The following DUS3L variants were observed in gnomAD, a reference collection of about 807,000 sequenced individuals.
DUS3L encodes tRNA-dihydrouridine(47) synthase [NAD(P)(+)]-like.
Under a neutral mutation model 74.6 loss-of-function variants are expected in DUS3L, and 62 were observed. The observed-to-expected ratio is 0.83, with a 90% CI of 0.68 to 1.03. The LOEUF (loss-of-function observed/expected upper bound fraction) is 1.03, where lower values mean the gene tolerates loss of function less well. Ranked by LOEUF, DUS3L falls within the 50% of genes least tolerant of loss-of-function variation. The pLI, the probability that DUS3L is intolerant of heterozygous loss-of-function variation, is 0.00. For missense variants in DUS3L, 884 were observed against 924.4 expected (o/e 0.96, Z 0.57); for synonymous variants, 433 against 395.7 (o/e 1.09, Z -1.12).
At position 5,787,177 on chromosome 19, in the gene DUS3L, G is replaced by A; in HGVS notation, c.1279-6C>T. ...GTCAGCGGCACATCCAGCACCTACA[G>A]GACGGTGGTGGGAGGTGGTGGGAGA... On this transcript the variant is annotated splice_region_variant and splice_polypyrimidine_tract_variant and intron_variant, in intron 7 of 12. Coordinates refer to ENST00000309061, the MANE Select transcript of DUS3L (RefSeq NM_020175.3). The A allele has an allele frequency of 1.5e-6, 1 of 662,684 alleles. No homozygotes were observed. The highest frequency in any genetic ancestry group is 2.0e-6 in the Non-Finnish European group (1 of 495,024). The allele number at this position is 662,684 out of a possible 1,614,324, so 41.1% of individuals were successfully genotyped here.
chr19:5,786,602 G>C (rs553241153), intron 9 of DUS3L, 60 bp from the exon 10 acceptor site: 1 of 1,592,362 alleles, frequency 6.3e-7, no homozygotes, highest in African/African-American at 1.3e-5. Flanking sequence ...CTGGAGTTCT[G>C]CTCACCAGCC....
chr19:5,787,161 A>C lies in DUS3L; in HGVS notation c.1289T>G (p.Val430Gly). Residue 430 changes from valine (V) to glycine (G), a missense_variant, in exon 8 of 13, where the codon GTG becomes GGG. Physicochemically the swap from Val to Gly is moderately radical, Grantham distance 109. Transcript: ENST00000309061. ...TGTGCGGATCTTCACAGTCAGCGGC[A>C]CATCCAGCACCTACAGGACGGTGGT... is the stretch of plus-strand genomic sequence containing the variant. ...IVRGMNQVLD[V>G]PLTVKIRTGV... 1.2e-6 allele frequency: 1 copy of C among 835,316 alleles called. No individual in the cohort carries two copies. Among genetic ancestry groups the C allele is most frequent in the Non-Finnish European group, 1.4e-6 (1 of 734,878 alleles). The allele number at this position is 835,316 out of a possible 1,614,324, so 51.7% of individuals were successfully genotyped here. A position where few individuals can be genotyped will look rare whatever the true frequency, so the allele number is the denominator to read the frequency against.
chr19:5,788,398 G>T lies in DUS3L; in HGVS notation c.901C>A (p.Leu301Met), dbSNP rs1268352702. 6.2e-7 allele frequency: 1 copy of T among 1,612,960 alleles called. No individual in the cohort carries two copies. The highest frequency in any genetic ancestry group is 8.5e-7 in the Non-Finnish European group (1 of 1,179,788). Residue 301 changes from leucine (L) to methionine (M), a missense_variant and splice_region_variant, in exon 4 of 13, where the codon CTG becomes ATG. Leu to Met is a conservative substitution (Grantham distance 15). Transcript: ENST00000309061. ...AGGTAAAGTTTGCCACGGATGTCCA[G>T]CTGGAGGGAAAAAAATACACACAAG... is the stretch of plus-strand genomic sequence containing the variant. ...VRLRPCEKKR[L>M]DIRGKLYLAP...
intron 9 of DUS3L, 77 bp from the exon 10 acceptor site, chr19:5,786,619 G>C: frequency 1.3e-6 from 2 of 1,583,502 alleles, no homozygotes; most frequent in Admixed American, 1.7e-5. Context: ...AGCCCTTCAG[G>C]AGTTTTGGCT....
rs1335689862 is a variant in DUS3L, at chr19:5,786,501, TG to T, written c.1527del (p.Met510CysfsTer9). 9.9e-6 allele frequency: 16 copies of T among 1,612,964 alleles called. No individual in the cohort carries two copies. The highest frequency in any genetic ancestry group is 2.7e-5 in the African/African-American group (2 of 74,906). On this transcript the variant is annotated frameshift_variant, in exon 10 of 13. Transcript: ENST00000309061. LOFTEE classifies it high-confidence loss of function. ...DILSFEDANR[A>X]MQTGVTGIMI... is the part of the protein sequence containing the mutation. ...ATGATCCCGGTGACACCAGTCTGCA[TG>T]GCGCGGTTGGCATCCTCAAATGACA...
At chr19:5,788,478 C>G in intron 3 of DUS3L, 80 bp from the exon 4 acceptor site, 1 of 1,514,634 alleles carries the variant, frequency 6.6e-7, no homozygotes, top group Non-Finnish European at 9.0e-7. Flanking sequence ...CTTCTACCCA[C>G]AGTCTAGGAC....
Position 5,791,085 on chromosome 19 carries a change from T to A in DUS3L, c.57A>T (p.Gly19=), listed in dbSNP as rs754333877. 3.1e-6 allele frequency: 5 copies of A among 1,608,458 alleles called. No individual in the cohort carries two copies. Among genetic ancestry groups the A allele is most frequent in the South Asian group, 1.1e-5 (1 of 89,824 alleles). The change falls in exon 1 of 13, where the codon GGA becomes GGT. Residue 19 remains glycine, a synonymous_variant. Transcript: ENST00000309061. ...CCACTCCTCGTTCCAAAGCTCCGGC[T>A]CCCGAGTCGCCACCACCACCATTCT... ...PLENGGGGDS[G]AGALERGVAP...
intron 3 of DUS3L, 89 bp downstream of exon 3, chr19:5,789,118 A>C: frequency 6.8e-7 from 1 of 1,479,020 alleles, no homozygotes; most frequent in Non-Finnish European, 9.0e-7. Flanking sequence ...ACTCCCAGGC[A>C]GCTAGAACAG....
At position 5,786,731 on chromosome 19, in the gene DUS3L, G is replaced by T. The variant is rs755854050; in HGVS notation, c.1486+18C>A. On this transcript the variant is annotated intron_variant, in intron 9 of 12. Coordinates refer to ENST00000309061, the MANE Select transcript of DUS3L (RefSeq NM_020175.3). ...AAGGGTGGTAGGGGAGAGGGAGGTG[G>T]CTTCCCGGAACACCCACCGAACAGG... 1 of 1,608,470 alleles carries T rather than the reference G, an allele frequency of 6.2e-7. No individual in the cohort carries two copies. Among genetic ancestry groups the T allele is most frequent in the Non-Finnish European group, 8.5e-7 (1 of 1,178,160 alleles).
Position 5,790,817 on chromosome 19 carries a change from A to T in DUS3L, c.98+227T>A. ...CAGCGCGGGCCTGGCCTCAAATCCC[A>T]CCTGCCCTAGCATGCACGTGGTGTC... On this transcript the variant is annotated intron_variant, in intron 1 of 12. Transcript: ENST00000309061. 12 of 597,090 alleles carry T rather than the reference A, an allele frequency of 2.0e-5. No homozygotes were observed. The South Asian group carries it at 2.2e-4, about 11-fold the overall frequency. 37.0% of individuals were successfully genotyped at this position (597,090 alleles called of 1,614,324 possible). A position where few individuals can be genotyped will look rare whatever the true frequency, so the allele number is the denominator to read the frequency against.
intron 9 of DUS3L, 91 bp from the exon 10 acceptor site, chr19:5,786,633 C>A (rs913506445): frequency 3.2e-6 from 5 of 1,573,416 alleles, no homozygotes; most frequent in South Asian, 2.3e-5. Context: ...TTTGGCTGAC[C>A]CAGTGGCTCC....
Position 5,785,166 on chromosome 19 carries a change from T to C in DUS3L, c.*37A>G, listed in dbSNP as rs1316164005. 6.4e-7 allele frequency: 1 copy of C among 1,567,958 alleles called. No homozygotes were observed. The highest frequency in any genetic ancestry group is 8.6e-7 in the Non-Finnish European group (1 of 1,156,250). The stretch of plus-strand genomic sequence containing the variant: ...TTTAAAAGAATAAAATTTATTGTAC[T>C]CTCCTCGCCCCAGGGTGCCCCTGGG... On this transcript the variant is annotated 3_prime_UTR_variant, in exon 13 of 13. Coordinates refer to ENST00000309061, the MANE Select transcript of DUS3L (RefSeq NM_020175.3).
Position 5,788,029 on chromosome 19 carries a change from C to T in DUS3L, c.1090G>A (p.Val364Ile), listed in dbSNP as rs143475735. The T allele has an allele frequency of 2.4e-5, 38 of 1,612,842 alleles. No individual in the cohort carries two copies. In the Middle Eastern group the frequency reaches 4.9e-4, roughly 21 times the overall value. Residue 364 changes from valine to isoleucine, a missense_variant, in exon 5 of 13, where the codon GTC becomes ATC. Coordinates refer to ENST00000309061, the MANE Select transcript of DUS3L (RefSeq NM_020175.3). ...CCCTCGGGGTGGGCACTGACCTGGA[C>T]GCCAAAGATGTCCTCACACTGGTGG... Reference protein sequence around the residue: ...KRHQCEDIFGVQLEGAFPDTM... With the variant: ...KRHQCEDIFGIQLEGAFPDTM...
rs2056829525 is a variant in DUS3L, at chr19:5,785,266, G to A, written c.1890C>T (p.Leu630=). 2.5e-6 allele frequency: 4 copies of A among 1,611,174 alleles called. No homozygotes were observed. Among genetic ancestry groups the A allele is most frequent in the Non-Finnish European group, 3.4e-6 (4 of 1,179,382 alleles). ...CGAAGCTGGGGGGCACTGGCCCAAG[G>A]AGCATCTCGCTGTGGGAGAGCAGGT... ...AADWIRISEM[L]LGPVPPSFAF... Residue 630 remains leucine, a synonymous_variant, in exon 13 of 13, where the codon CTC becomes CTT. Transcript: ENST00000309061.
chr19:5,788,535 G>A, intron 3 of DUS3L, 137 bp from the exon 4 acceptor site: 3 of 880,954 alleles, frequency 3.4e-6, no homozygotes, highest in South Asian at 1.6e-5. Context: ...CTCTGCATGT[G>A]CCAATCAATC....
rs959880120 is a variant in DUS3L, at chr19:5,789,498, G to A, written c.609C>T (p.Pro203=). Residue 203 remains proline, a synonymous_variant, in exon 3 of 13, where the codon CCC becomes CCT. Transcript: ENST00000309061. ...QEELAARGTQ[P]PSIRNGLDKA... ...TGTCCAGGCCGTTGCGGATGGACGG[G>A]GGCTGGGTCCCGCGGGCCGCCAACT... The A allele has an allele frequency of 6.2e-7, 1 of 1,605,204 alleles. No individual in the cohort carries two copies. The highest frequency in any genetic ancestry group is 8.5e-7 in the Non-Finnish European group (1 of 1,179,008).
At chr19:5,786,952 C>A in intron 8 of DUS3L, 107 bp from the exon 9 acceptor site, 1 of 1,490,548 alleles carries the variant, frequency 6.7e-7, no homozygotes, top group Non-Finnish European at 8.9e-7. Flanking sequence ...CAGGCGGAGA[C>A]AGAGGGAGGT....
In DUS3L at chr19:5,789,445, C is replaced by A. The variant is rs1428629776; in HGVS notation, c.662G>T (p.Arg221Leu). 10 of 1,600,716 alleles carry A rather than the reference C, an allele frequency of 6.2e-6. No homozygotes were observed. The highest frequency in any genetic ancestry group is 1.1e-5 in the South Asian group (1 of 90,518). ...CTCAGCTCGCTCGAAGCGGACCTCG[C>A]GCTTCCGCAGCTGCTGCTGCAGGGC... ...DKALQQQLRK[R>L]EVRFERAEQA... Residue 221 changes from arginine to leucine, a missense_variant, in exon 3 of 13, where the codon CGC (arginine) becomes CTC (leucine). Arg to Leu is a moderately radical substitution (Grantham distance 102). Coordinates refer to ENST00000309061, the MANE Select transcript of DUS3L (RefSeq NM_020175.3).
rs746141629 is a variant in DUS3L, at chr19:5,787,069, G to A, written c.1381C>T (p.Leu461Phe). 3.9e-6 allele frequency: 6 copies of A among 1,549,776 alleles called. No individual in the cohort carries two copies. Among genetic ancestry groups the A allele is most frequent in the South Asian group, 1.2e-5 (1 of 84,888 alleles). The change falls in exon 8 of 13, where the codon CTC becomes TTC. Residue 461 changes from leucine to phenylalanine, a missense_variant. Coordinates refer to ENST00000309061, the MANE Select transcript of DUS3L (RefSeq NM_020175.3). ...LPELRDWGVALVTLHGRSREQ... is the reference protein window; with the variant it reads ...LPELRDWGVAFVTLHGRSREQ... The stretch of plus-strand genomic sequence containing the variant: ...GGCGTCCCAAGACCCACCGTGACGA[G>A]TGCCACGCCCCAGTCCCGCAGCTCG...
Sources: allele counts gnomAD v4.1 joint callset, GRCh38; gene constraint gnomAD v4.1.1; transcripts MANE v1.5; gene names NCBI Gene and HGNC (gene_info 2026-07-23, HGNC 2026-07-21).